Variants in SRGAP3 observed in about 807,000 individuals in gnomAD.
SRGAP3 encodes SLIT-ROBO Rho GTPase activating protein 3, also known as SLIT-ROBO Rho GTPase-activating protein 3.
SRGAP3 carries 39 observed loss-of-function variants against 121.1 expected under a neutral mutation model. That is an observed-to-expected ratio of 0.32 (90% CI 0.25 to 0.42). The LOEUF is 0.42. Among genes scored for constraint, SRGAP3 ranks in the 10% least tolerant of loss-of-function variants. The probability of loss-of-function intolerance (pLI) is 1.00; values close to 1 mark genes in which losing one functional copy is unlikely to be tolerated. For synonymous variants in SRGAP3, 601 were observed against 570.0 expected, an observed-to-expected ratio of 1.05 and a Z score of -0.77; for missense variants, 1,213 against 1,470.6, an observed-to-expected ratio of 0.82 and a Z score of 2.86.
intron 5 of SRGAP3, among the ~76,000 whole-genome samples, chr3:9,064,064 T>C (rs1202310301): frequency 6.6e-6 from 1 of 152,198 alleles, no homozygotes; most frequent in African/African-American, 2.4e-5. Flanking sequence ...CGCTAATGCC[T>C]TGTGATTCCA....
intron 1 of SRGAP3, among the ~76,000 whole-genome samples, chr3:9,147,106 C>T (rs12629068): frequency 0.25 from 37,746 of 152,098 alleles, 4,892 homozygotes; most frequent in East Asian, 0.42. Context: ...ATACCATTCC[C>T]ATTGTCAAGA....
chr3:9,316,156 C>A (rs953559504), intron 3 of SRGAP3, among the ~76,000 whole-genome samples: 1 of 152,052 alleles, frequency 6.6e-6, no homozygotes, highest in African/African-American at 2.4e-5. Context: ...TCAAGAGGTT[C>A]TTATGCCTCA....
At chr3:9,113,776 C>A (rs537858387) in intron 2 of SRGAP3, among the ~76,000 whole-genome samples, 2 of 152,094 alleles carry the variant, frequency 1.3e-5, no homozygotes, top group South Asian at 4.1e-4. Flanking sequence ...AGGGGGTTCC[C>A]CCTTCACTGG....
chr3:9,298,092 C>T (rs1414178074), intron 3 of SRGAP3, among the ~76,000 whole-genome samples: 3 of 152,182 alleles, frequency 2.0e-5, no homozygotes, highest in Non-Finnish European at 4.4e-5. Context: ...CTGTTGCTTA[C>T]ACCACCTAGT....
intron 3 of SRGAP3, among the ~76,000 whole-genome samples, chr3:9,305,571 C>G (rs192961462): frequency 6.6e-6 from 1 of 151,780 alleles, no homozygotes; most frequent in Non-Finnish European, 1.5e-5. Context: ...TCTCCCACCC[C>G]CCGACAGGCC....
At chr3:9,348,698 C>A in intron 1 of SRGAP3, 1 of 1,168,682 alleles carries the variant, frequency 8.6e-7, no homozygotes, top group East Asian at 2.3e-5. Flanking sequence ...GGATTGGTGC[C>A]TCAATGAGCA....
At chr3:9,213,735 C>T (rs1952524015) in intron 1 of SRGAP3, among the ~76,000 whole-genome samples, 1 of 152,216 alleles carries the variant, frequency 6.6e-6, no homozygotes, top group South Asian at 2.1e-4. Context: ...CCTCCATGAC[C>T]ATGATCTGGC....
chr3:9,027,883 C>T (rs930964282), intron 12 of SRGAP3, among the ~76,000 whole-genome samples: 1 of 152,198 alleles, frequency 6.6e-6, no homozygotes, highest in African/African-American at 2.4e-5. Flanking sequence ...CCATGAGGCA[C>T]ATGTAATATG....
intron 2 of SRGAP3, among the ~76,000 whole-genome samples, chr3:9,111,545 G>C (rs1341303176): frequency 6.6e-6 from 1 of 152,128 alleles, no homozygotes; most frequent in Non-Finnish European, 1.5e-5. Context: ...GGGCCTGCAG[G>C]GTCTCACACA....
chr3:9,245,102 T>A (rs1292576760), intron 1 of SRGAP3, among the ~76,000 whole-genome samples: 4 of 152,318 alleles, frequency 2.6e-5, no homozygotes, highest in Non-Finnish European at 4.4e-5. Flanking sequence ...GATAATATAA[T>A]CTTTTGGAGG....
chr3:9,283,909 G>T (rs1954723497), intron 3 of SRGAP3, among the ~76,000 whole-genome samples: 1 of 152,276 alleles, frequency 6.6e-6, no homozygotes, highest in East Asian at 1.9e-4. Flanking sequence ...ATGGAGAAGG[G>T]CTGTCCCTCC....
chr3:9,356,058 C>G (rs568507683), intron 1 of SRGAP3, among the ~76,000 whole-genome samples: 24 of 152,282 alleles, frequency 1.6e-4, no homozygotes, highest in African/African-American at 5.5e-4. Flanking sequence ...CAACACTGTT[C>G]CAATGGGGCT....
intron 12 of SRGAP3, among the ~76,000 whole-genome samples, chr3:9,029,567 T>C (rs76123919): frequency 6.6e-6 from 1 of 152,364 alleles, no homozygotes; most frequent in East Asian, 1.9e-4. Flanking sequence ...GATGTTATTT[T>C]ATTAAAAAAA....
At chr3:9,316,248 C>A (rs1462728129) in intron 3 of SRGAP3, among the ~76,000 whole-genome samples, 1 of 151,012 alleles carries the variant, frequency 6.6e-6, no homozygotes, top group Non-Finnish European at 1.5e-5. Context: ...CGGGTTTCAC[C>A]ATGTTGTCCA....
intron 10 of SRGAP3, among the ~76,000 whole-genome samples, chr3:9,046,498 C>T (rs1355953557): frequency 6.6e-6 from 1 of 152,198 alleles, no homozygotes; most frequent in African/African-American, 2.4e-5. Flanking sequence ...CAGGCAGAAG[C>T]TAAGTGGTAT....
intron 1 of SRGAP3, among the ~76,000 whole-genome samples, chr3:9,182,605 C>T (rs1048058251): frequency 3.9e-5 from 6 of 152,098 alleles, no homozygotes; most frequent in Non-Finnish European, 7.4e-5. Flanking sequence ...TTACAGCACT[C>T]CTGGGACACT....
rs1212273785 is a variant in SRGAP3 at position 9,081,362 on chromosome 3, C to CA, written c.424-1276dup. The CA allele has an allele frequency of 1.3e-5, 6 of 447,572 alleles. No homozygotes were observed. In the Admixed American group the frequency reaches 1.5e-4, roughly 11 times the overall value. The allele number at this position is 447,572 out of a possible 1,614,324, so 27.7% of individuals were successfully genotyped here. ...GCAGAAAGGCCTCTGGGGCACAAGG[C>CA]AAAAGATCTAGCTTCTCATTTCCAC... is the stretch of plus-strand genomic sequence containing the variant. On this transcript the variant is annotated intron_variant, in intron 3 of 21. Transcript: ENST00000383836.
At chr3:9,054,317 A>C (rs1945719313) in intron 8 of SRGAP3, among the ~76,000 whole-genome samples, 4 of 152,226 alleles carry the variant, frequency 2.6e-5, no homozygotes, top group Admixed American at 2.6e-4. Flanking sequence ...TTTACAGCCT[A>C]TCCTCTGAAG....
At chr3:9,061,316 C>T (rs541791833) in intron 5 of SRGAP3, among the ~76,000 whole-genome samples, 1 of 152,306 alleles carries the variant, frequency 6.6e-6, no homozygotes, top group East Asian at 1.9e-4. Flanking sequence ...CCCTCCATGG[C>T]CTTGTCCCAT....
Sources: gnomAD v4.1 joint callset for allele counts (sites outside exome capture counted in the v4.1 genomes callset) on GRCh38, gnomAD v4.1.1 for gene constraint, MANE v1.5 for transcripts, NCBI Gene and HGNC (gene_info 2026-07-23, HGNC 2026-07-21) for gene names.